MAP3K9: variants seen among roughly 807,000 people sequenced by gnomAD.
MAP3K9 encodes the protein mixed lineage kinase 1 (tyr and ser/thr specificity).
In MAP3K9, 46 loss-of-function variants were observed where a neutral mutation model predicts 95.8. The ratio of observed to expected loss-of-function variants is 0.48; its 90% CI spans 0.38 to 0.61. MAP3K9 has a LOEUF of 0.61. Among genes scored for constraint, MAP3K9 ranks in the 20% least tolerant of loss-of-function variants. MAP3K9 has a pLI of 0.00. For synonymous variants in MAP3K9, 533 were observed against 593.8 expected, an observed-to-expected ratio of 0.90 and a Z score of 1.49; for missense variants, 1,296 against 1,474.3, an observed-to-expected ratio of 0.88 and a Z score of 1.98.
chr14:70,801,040 A>T lies in MAP3K9; in HGVS notation c.447T>A (p.Ile149=). The change falls in exon 2 of 12, where the codon ATT becomes ATA. Residue 149 remains isoleucine (I), a synonymous_variant. Transcript: ENST00000554752. The part of the protein sequence containing the change: ...IDFAELTLEE[I]IGIGGFGKVY... Reference sequence around the variant, plus strand: ...CCTTCCCAAAGCCCCCGATGCCAATAATCTCTTCCAAGGTGAGCTCCGCAA... The same window carrying T: ...CCTTCCCAAAGCCCCCGATGCCAATTATCTCTTCCAAGGTGAGCTCCGCAA... 1 of 1,614,152 alleles carries T rather than the reference A, an allele frequency of 6.2e-7. No individual in the cohort carries two copies. Among genetic ancestry groups the T allele is most frequent in the East Asian group, 2.2e-5 (1 of 44,884 alleles).
In MAP3K9 at chr14:70,730,855, T is replaced by G. The variant is rs1436484925; in HGVS notation, c.2840A>C (p.Lys947Thr). 2.5e-6 allele frequency: 4 copies of G among 1,600,302 alleles called. No individual in the cohort carries two copies. The South Asian group carries it at 4.4e-5, about 18-fold the overall frequency. ...LSPSPGAGML[K>T]TPSPSRDPGE... ...TGGGTCTCGGCTGGGACTGGGGGTTTTCAACATTCCTGGTCAAAAAGACAA... is the reference window on the plus strand; with the variant it reads ...TGGGTCTCGGCTGGGACTGGGGGTTGTCAACATTCCTGGTCAAAAAGACAA... Residue 947 changes from lysine to threonine, a missense_variant, in exon 12 of 12, where the codon AAA (lysine) becomes ACA (threonine). Physicochemically the swap from Lys to Thr is moderately conservative, Grantham distance 78. This residue lies in a region of MAP3K9 where 433 missense variants were observed against 441.4 expected (regional missense o/e 0.98). Transcript: ENST00000554752.
chr14:70,809,313 G>T lies in MAP3K9; in HGVS notation c.-142C>A. ...GTAGGGCCCGGGCTGGCAGGGCTGG[G>T]AGAGCCGGCTCGCCGGCGCTGTTAC... is the stretch of plus-strand genomic sequence containing the variant. On this transcript the variant is annotated 5_prime_UTR_variant, in exon 1 of 12. Transcript: ENST00000554752. 1 of 1,088,500 alleles carries T rather than the reference G, an allele frequency of 9.2e-7. No individual in the cohort carries two copies. Among genetic ancestry groups the T allele is most frequent in the Non-Finnish European group, 1.2e-6 (1 of 855,860 alleles). 67.4% of individuals were successfully genotyped at this position (1,088,500 alleles called of 1,614,324 possible).
chr14:70,739,765 A>C (rs1282563333), intron 7 of MAP3K9: 2 of 963,186 alleles, frequency 2.1e-6, no homozygotes, highest in African/African-American at 1.6e-5. Flanking sequence ...ACCAGTTTCT[A>C]AATTGCTTTG....
At position 70,732,734 on chromosome 14, in the gene MAP3K9, G is replaced by T; in HGVS notation, c.2635C>A (p.Pro879Thr). ...CGCTCTACTCGGACATTGACCAGGG[G>T]GTTGTGGGTACATGGACTCAGGGGA... ...APPLSPCTHN[P>T]LVNVRVERFK... is the part of the protein sequence containing the mutation. The change falls in exon 11 of 12, where the codon CCC becomes ACC. Residue 879 changes from proline to threonine, a missense_variant. By Grantham distance (38) the Pro-to-Thr change is conservative (BLOSUM62 -1). This residue lies in a region of MAP3K9 where 433 missense variants were observed against 441.4 expected (regional missense o/e 0.98). Transcript: ENST00000554752. 1 of 1,605,972 alleles carries T rather than the reference G, an allele frequency of 6.2e-7. No individual in the cohort carries two copies. Among genetic ancestry groups the T allele is most frequent in the East Asian group, 2.2e-5 (1 of 44,610 alleles).
chr14:70,732,785 T>C lies in MAP3K9; in HGVS notation c.2584A>G (p.Met862Val), dbSNP rs2053926064. ...SDSDEIVVYE[M>V]PVSPVEAPPL... ...GGGGCCTCGACTGGGCTGACTGGCA[T>C]CTCATACACGACAATTTCATCGCTG... Residue 862 changes from methionine to valine, a missense_variant, in exon 11 of 12, where the codon ATG (methionine) becomes GTG (valine). Coordinates refer to ENST00000554752, the MANE Select transcript of MAP3K9 (RefSeq NM_001284230.2). 1 of 1,613,506 alleles carries C rather than the reference T, an allele frequency of 6.2e-7. No individual in the cohort carries two copies. Among genetic ancestry groups the C allele is most frequent in the Non-Finnish European group, 8.5e-7 (1 of 1,179,730 alleles).
chr14:70,767,374 A>C (rs1413092255), intron 2 of MAP3K9, among the ~76,000 whole-genome samples: 1 of 108,658 alleles, frequency 9.2e-6, no homozygotes, highest in Non-Finnish European at 1.8e-5. Flanking sequence ...ACAGAGTGAC[A>C]CTCAGTCTCA....
intron 2 of MAP3K9, among the ~76,000 whole-genome samples, chr14:70,772,114 C>T (rs929733288): frequency 5.9e-5 from 9 of 152,216 alleles, no homozygotes; most frequent in Non-Finnish European, 1.2e-4. Context: ...AGCAGAGCTG[C>T]GGTGCTGCCT....
intron 3 of MAP3K9, among the ~76,000 whole-genome samples, chr14:70,759,824 A>G (rs1026101262): frequency 6.6e-6 from 1 of 152,172 alleles, no homozygotes; most frequent in African/African-American, 2.4e-5. Flanking sequence ...GTGCAATCAC[A>G]GCTCACTGTA....
chr14:70,747,229 A>C (rs1269137817), intron 5 of MAP3K9, among the ~76,000 whole-genome samples: 1 of 152,134 alleles, frequency 6.6e-6, no homozygotes, highest in African/African-American at 2.4e-5. Flanking sequence ...CATAATCCCC[A>C]TGGGTCATGG....
chr14:70,774,983 C>CCAAAA (rs2054577603), intron 2 of MAP3K9, among the ~76,000 whole-genome samples: 1 of 55,112 alleles, frequency 1.8e-5, no homozygotes, highest in East Asian at 7.5e-4. Context: ...ACTCTGTCCC[C>CCAAAA]AAAAAAAAAA....
intron 2 of MAP3K9, among the ~76,000 whole-genome samples, chr14:70,764,073 C>T (rs909534553): frequency 2.1e-5 from 3 of 145,370 alleles, no homozygotes; most frequent in African/African-American, 5.1e-5. Flanking sequence ...GTAGACCCAG[C>T]TACTCGGGAG....
chr14:70,770,365 G>A (rs1430642815), intron 2 of MAP3K9, among the ~76,000 whole-genome samples: 1 of 150,792 alleles, frequency 6.6e-6, no homozygotes, highest in East Asian at 1.9e-4. Context: ...TTTATTTTTA[G>A]TAGAGACGGG....
intron 9 of MAP3K9, 139 bp downstream of exon 9, chr14:70,735,822 A>G (rs1355393435): frequency 3.5e-5 from 25 of 705,686 alleles, no homozygotes; most frequent in Non-Finnish European, 5.9e-5. Flanking sequence ...GTACTGCTTA[A>G]AACAAAAACA....
intron 2 of MAP3K9, among the ~76,000 whole-genome samples, chr14:70,782,798 G>A (rs1023603459): frequency 6.6e-6 from 1 of 152,124 alleles, no homozygotes; most frequent in Non-Finnish European, 1.5e-5. Context: ...GTCTACCTCT[G>A]AATATTACTC....
chr14:70,767,435 T>C (rs1408426072), intron 2 of MAP3K9, among the ~76,000 whole-genome samples: 3 of 148,882 alleles, frequency 2.0e-5, no homozygotes, highest in Non-Finnish European at 4.5e-5. Context: ...GTCACATACT[T>C]GACCAATGGG....
At chr14:70,792,556 T>C (rs1471476352) in intron 2 of MAP3K9, among the ~76,000 whole-genome samples, 1 of 152,222 alleles carries the variant, frequency 6.6e-6, no homozygotes, top group Non-Finnish European at 1.5e-5. Context: ...TTCATTCTCT[T>C]GTAGGAAAAA....
chr14:70,805,335 C>G (rs1016659461), intron 1 of MAP3K9, among the ~76,000 whole-genome samples: 5 of 152,062 alleles, frequency 3.3e-5, no homozygotes, highest in African/African-American at 1.2e-4. Context: ...TAATGTATGC[C>G]CTGTTTGAAA....
In MAP3K9 at chr14:70,742,481, G is replaced by T; in HGVS notation, c.1437C>A (p.Ile479=). 2 of 1,614,212 alleles carry T rather than the reference G, an allele frequency of 1.2e-6. No individual in the cohort carries two copies. Among genetic ancestry groups the T allele is most frequent in the Non-Finnish European group, 1.7e-6 (2 of 1,180,040 alleles). Reference sequence around the variant, plus strand: ...TGATGATGTTGAGCTCCCGTTCCAGGATGTCAATCTCCCGCTCGGCCAGCT... The same window carrying T: ...TGATGATGTTGAGCTCCCGTTCCAGTATGTCAATCTCCCGCTCGGCCAGCT... ...EQELAEREID[I]LERELNIIIH... The change falls in exon 6 of 12, where the codon ATC becomes ATA. Residue 479 remains isoleucine, a synonymous_variant. Transcript: ENST00000554752.
chr14:70,792,064 C>T (rs932467537), intron 2 of MAP3K9, among the ~76,000 whole-genome samples: 3 of 152,180 alleles, frequency 2.0e-5, no homozygotes, highest in African/African-American at 4.8e-5. Context: ...CCTGTTCACC[C>T]GGCTGGTTAT....
Sources: allele counts gnomAD v4.1 joint callset (sites outside exome capture counted in the v4.1 genomes callset), GRCh38; gene constraint gnomAD v4.1.1; regional missense constraint gnomAD v4.1.1; transcripts MANE v1.5; gene names NCBI Gene and HGNC (gene_info 2026-07-23, HGNC 2026-07-21).